Variants in UGT1A4 observed in about 807,000 individuals in gnomAD.
UGT1A4 encodes UDP-glucuronosyltransferase 1A4.
A neutral mutation model predicts 41.1 loss-of-function variants in UGT1A4; 32 were observed. The ratio of observed to expected loss-of-function variants is 0.78; its 90% confidence interval spans 0.59 to 1.05. The LOEUF (loss-of-function observed/expected upper bound fraction) is 1.05, where lower values mean the gene tolerates loss of function less well. UGT1A4 is among the 50% of genes least tolerant of loss of function. The pLI is 0.00. For synonymous variants in UGT1A4, 283 were observed against 265.1 expected, an observed-to-expected ratio of 1.07 and a Z score of -0.66; for missense variants, 748 against 677.4, an observed-to-expected ratio of 1.10 and a Z score of -1.16.
intron 1 of UGT1A4, chr2:233,747,691 T>G (rs1693753923): frequency 1.2e-6 from 2 of 1,611,090 alleles, no homozygotes; most frequent in Non-Finnish European, 1.7e-6. Context: ...TGTGGGGCAG[T>G]GCTGGCTAAG....
intron 1 of UGT1A4, among the ~76,000 whole-genome samples, chr2:233,746,400 G>T (rs1245323229): frequency 6.6e-6 from 1 of 151,734 alleles, no homozygotes. Context: ...GGAGCTGGGA[G>T]TGTGTCCAAT....
intron 1 of UGT1A4, chr2:233,729,871 C>T: frequency 6.2e-7 from 1 of 1,613,870 alleles, no homozygotes; most frequent in Non-Finnish European, 8.5e-7. Flanking sequence ...GGTGGATATT[C>T]TCAGTCATGC....
chr2:233,725,050 G>C (rs2077352447), intron 1 of UGT1A4, among the ~76,000 whole-genome samples: 1 of 147,798 alleles, frequency 6.8e-6, no homozygotes, highest in South Asian at 2.3e-4. Flanking sequence ...AGTCAGGCGT[G>C]GCGGCGCGCG....
chr2:233,769,434 T>A lies in UGT1A4; in HGVS notation c.1307+995T>A. ...GCGTTTGTGCATGTGGCTGTGCTCA[T>A]GTGTGGGTGCACACGTGTGCATTCA... is the stretch of plus-strand genomic sequence containing the variant. On this transcript the variant is annotated intron_variant, in intron 4 of 4. Coordinates refer to ENST00000373409, the MANE Select transcript of UGT1A4 (RefSeq NM_007120.3). The surrounding 1 kb of genome is among the most constrained non-coding windows in gnomAD (Gnocchi z 4.4). 1 of 1,542,192 alleles carries A rather than the reference T, an allele frequency of 6.5e-7. No individual in the cohort carries two copies.
intron 1 of UGT1A4, chr2:233,760,795 T>C (rs1035248479): frequency 1.2e-5 from 19 of 1,613,472 alleles, no homozygotes; most frequent in Non-Finnish European, 1.5e-5. Context: ...GCCCACTGTA[T>C]TCTTCTTGCA....
At position 233,743,889 on chromosome 2, in the gene UGT1A4, C is replaced by G. The variant is rs772404116; in HGVS notation, c.868-23145C>G. 4.4e-6 allele frequency: 6 copies of G among 1,366,986 alleles called. No individual in the cohort carries two copies. In the Admixed American group the frequency reaches 9.5e-5, roughly 22 times the overall value. The allele number at this position is 1,366,986 out of a possible 1,614,324, so 84.7% of individuals were successfully genotyped here. A position where few individuals can be genotyped will look rare whatever the true frequency, so the allele number is the denominator to read the frequency against. ...GCCTCGGATGAGGCCTGCCGGGGCA[C>G]GTCCAGCACCTCGTAGTAGTCCACC... On this transcript the variant is annotated intron_variant, in intron 1 of 4. Coordinates refer to ENST00000373409, the MANE Select transcript of UGT1A4 (RefSeq NM_007120.3).
At chr2:233,724,343 C>G (rs2077229660) in intron 1 of UGT1A4, among the ~76,000 whole-genome samples, 1 of 142,886 alleles carries the variant, frequency 7.0e-6, no homozygotes, top group Non-Finnish European at 1.5e-5. Context: ...GGGGCTGACC[C>G]CCCCCACCTC....
rs773612653 is a variant in UGT1A4 at position 233,729,922 on chromosome 2, C to A, written c.867+10235C>A. 11 of 1,614,018 alleles carry A rather than the reference C, an allele frequency of 6.8e-6. No individual in the cohort carries two copies. The South Asian group carries it at 9.9e-5, about 15-fold the overall frequency. ...CCGAGGGGACTTTGTGATGGACTAC[C>A]CCAGGCCAATCATGCCCAACATGGT... On this transcript the variant is annotated intron_variant, in intron 1 of 4. Transcript: ENST00000373409.
At chr2:233,726,156 G>A (rs1332003910) in intron 1 of UGT1A4, among the ~76,000 whole-genome samples, 1 of 152,114 alleles carries the variant, frequency 6.6e-6, no homozygotes, top group Non-Finnish European at 1.5e-5. Context: ...ACAGAGTGAG[G>A]CCCCATTTCA....
At position 233,769,585 on chromosome 2, in the gene UGT1A4, G is replaced by A; in HGVS notation, c.1307+1146G>A. On this transcript the variant is annotated intron_variant, in intron 4 of 4. Transcript: ENST00000373409. This position sits in a 1 kb window ranked among gnomAD's most constrained non-coding sequence, Gnocchi z 4.4. ...GAAGAGCTGGAGCATGTTCAGATGA[G>A]AGGAGACGGAACACGGGGACACACC... is the stretch of plus-strand genomic sequence containing the variant. 1.2e-6 allele frequency: 2 copies of A among 1,612,920 alleles called. No individual in the cohort carries two copies. Among genetic ancestry groups the A allele is most frequent in the Non-Finnish European group, 1.7e-6 (2 of 1,179,890 alleles).
intron 1 of UGT1A4, among the ~76,000 whole-genome samples, chr2:233,739,348 G>C (rs1455435875): frequency 6.6e-6 from 1 of 152,152 alleles, no homozygotes. Context: ...GAACCCAGAA[G>C]GGCAGATCCA....
intron 1 of UGT1A4, among the ~76,000 whole-genome samples, chr2:233,749,024 T>C (rs1310542743): frequency 6.6e-6 from 1 of 151,748 alleles, no homozygotes; most frequent in East Asian, 1.9e-4. Flanking sequence ...CCAGAATATT[T>C]GGGGTTCATT....
intron 1 of UGT1A4, among the ~76,000 whole-genome samples, chr2:233,748,374 A>G (rs1187650500): frequency 2.6e-5 from 4 of 151,848 alleles, no homozygotes; most frequent in African/African-American, 9.7e-5. Flanking sequence ...ATGGTTGTGC[A>G]TGTCCTTCAT....
intron 1 of UGT1A4, chr2:233,743,825 T>G: frequency 7.3e-7 from 1 of 1,367,228 alleles, no homozygotes; most frequent in South Asian, 1.1e-5. Flanking sequence ...TTTGTCGGGG[T>G]GCCACTTGAG....
rs374192063 is a variant in UGT1A4, at chr2:233,743,919, T to C, written c.868-23115T>C. On this transcript the variant is annotated intron_variant, in intron 1 of 4. Coordinates refer to ENST00000373409, the MANE Select transcript of UGT1A4 (RefSeq NM_007120.3). ...AGCACCTCGTAGTAGTCCACCATGC[T>C]GGATGGCCAGAACGGCCCACCAGGC... The C allele has an allele frequency of 3.5e-4, 473 of 1,363,952 alleles. 9 individuals are homozygous for C. The highest frequency in any genetic ancestry group is 2.5e-3 in the African/African-American group (172 of 67,460). 84.5% of individuals were successfully genotyped at this position (1,363,952 alleles called of 1,614,324 possible).
At chr2:233,747,990 G>C in intron 1 of UGT1A4, 1 of 1,613,472 alleles carries the variant, frequency 6.2e-7, no homozygotes, top group Non-Finnish European at 8.5e-7. Flanking sequence ...GTTCCGAGGG[G>C]ACTTTGTGAT....
At chr2:233,749,591 G>A (rs1280802236) in intron 1 of UGT1A4, among the ~76,000 whole-genome samples, 27 of 151,796 alleles carry the variant, frequency 1.8e-4, no homozygotes. Context: ...GTCTCAACAT[G>A]AAGTCACACT....
chr2:233,725,005 C>G (rs1205607932), intron 1 of UGT1A4, among the ~76,000 whole-genome samples: 2 of 147,300 alleles, frequency 1.4e-5, no homozygotes, highest in Non-Finnish European at 3.0e-5. Flanking sequence ...GAGACCGGCC[C>G]GGCCAAACAG....
At chr2:233,744,513 A>C (rs1259623883) in intron 1 of UGT1A4, among the ~76,000 whole-genome samples, 1 of 151,992 alleles carries the variant, frequency 6.6e-6, no homozygotes, top group Non-Finnish European at 1.5e-5. Context: ...CCCATGACAC[A>C]ATAGCAAATC....
Sources: allele counts gnomAD v4.1 joint callset (sites outside exome capture counted in the v4.1 genomes callset), GRCh38; gene constraint gnomAD v4.1.1; non-coding constraint Gnocchi (gnomAD v3.1); transcripts MANE v1.5; gene names NCBI Gene and HGNC (gene_info 2026-07-23, HGNC 2026-07-21).